RAP1GDS1: variants seen among roughly 807,000 people sequenced by gnomAD.
RAP1GDS1 encodes the protein RAP1, GTP-GDP dissociation stimulator 1.
A neutral mutation model predicts 71.1 loss-of-function variants in RAP1GDS1; 35 were observed. The ratio of observed to expected loss-of-function variants is 0.49; its 90% confidence interval spans 0.38 to 0.65. The LOEUF (loss-of-function observed/expected upper bound fraction) is 0.65. Ranked by LOEUF, RAP1GDS1 falls within the 30% of genes least tolerant of loss-of-function variation. The pLI, the probability that RAP1GDS1 is intolerant of heterozygous loss-of-function variation, is 0.00. For synonymous variants in RAP1GDS1, 229 were observed against 243.1 expected, an observed-to-expected ratio of 0.94 and a Z score of 0.54; for missense variants, 663 against 706.1, an observed-to-expected ratio of 0.94 and a Z score of 0.69.
At chr4:98,360,829 TG>T (rs1407342104) in intron 4 of RAP1GDS1, among the ~76,000 whole-genome samples, 1 of 152,104 alleles carries the variant, frequency 6.6e-6, no homozygotes, top group Non-Finnish European at 1.5e-5. Context: ...CCCATCATTT[TG>T]GGAGGGCGAG....
intron 2 of RAP1GDS1, among the ~76,000 whole-genome samples, chr4:98,314,392 TTAA>T (rs1730666076): frequency 6.6e-6 from 1 of 152,210 alleles, no homozygotes; most frequent in African/African-American, 2.4e-5. Context: ...ATCAAGATTC[TTAA>T]TGAGAGAATC....
Position 98,418,750 on chromosome 4 carries a change from AGCAT to A in RAP1GDS1, c.1137_1140del (p.His379GlnfsTer3). ...GTAGAAGATGGAAATGTAACAGTAC[AGCAT>A]GCAGCACTAAGTGCCCTCAGAAACC... On this transcript the variant is annotated frameshift_variant, in exon 10 of 15. Transcript: ENST00000408927. LOFTEE classifies it high-confidence loss of function. 1 of 1,610,084 alleles carries A rather than the reference AGCAT, an allele frequency of 6.2e-7. No homozygotes were observed. The highest frequency in any genetic ancestry group is 8.5e-7 in the Non-Finnish European group (1 of 1,178,282).
intron 5 of RAP1GDS1, among the ~76,000 whole-genome samples, chr4:98,384,375 T>C (rs1742432365): frequency 6.6e-6 from 1 of 151,692 alleles, no homozygotes. Context: ...ACTGTTGTTC[T>C]CTTTTTTAAA....
chr4:98,390,786 G>A (rs1743502681), intron 5 of RAP1GDS1, among the ~76,000 whole-genome samples: 1 of 152,150 alleles, frequency 6.6e-6, no homozygotes. Flanking sequence ...CAAGGGATTG[G>A]AACTATGAGG....
intron 4 of RAP1GDS1, among the ~76,000 whole-genome samples, chr4:98,367,786 A>T (rs1739730267): frequency 6.6e-6 from 1 of 152,096 alleles, no homozygotes; most frequent in African/African-American, 2.4e-5. Flanking sequence ...TCCCATTTGG[A>T]ATGGTTGTGT....
At chr4:98,280,713 G>A (rs937174479) in intron 1 of RAP1GDS1, among the ~76,000 whole-genome samples, 9 of 151,344 alleles carry the variant, frequency 5.9e-5, no homozygotes, top group East Asian at 1.9e-4. Flanking sequence ...GTATTGTCTC[G>A]GTTTTCTTCT....
chr4:98,373,415 C>T (rs982166671), intron 4 of RAP1GDS1, among the ~76,000 whole-genome samples: 6 of 151,716 alleles, frequency 4.0e-5, no homozygotes, highest in African/African-American at 1.5e-4. Flanking sequence ...CTCCCTCCCT[C>T]CCTCTTGTTT....
intron 4 of RAP1GDS1, among the ~76,000 whole-genome samples, chr4:98,358,782 T>G (rs760928637): frequency 1.3e-5 from 2 of 151,960 alleles, no homozygotes; most frequent in Non-Finnish European, 2.9e-5. Context: ...ATGAATAAGG[T>G]CTGACATTGT....
At chr4:98,358,146 C>A (rs549559443) in intron 4 of RAP1GDS1, among the ~76,000 whole-genome samples, 6 of 152,052 alleles carry the variant, frequency 3.9e-5, no homozygotes, top group African/African-American at 1.4e-4. Flanking sequence ...TATTTTAGTT[C>A]TTTAATCAAA....
intron 14 of RAP1GDS1, among the ~76,000 whole-genome samples, chr4:98,438,026 G>C (rs1365241895): frequency 1.3e-5 from 2 of 151,980 alleles, no homozygotes; most frequent in African/African-American, 4.8e-5. Flanking sequence ...GGGTGTTGAA[G>C]TCTCCCACTG....
intron 10 of RAP1GDS1, 25 bp from the exon 11 acceptor site, chr4:98,419,994 A>T: frequency 6.4e-7 from 1 of 1,566,554 alleles, no homozygotes; most frequent in Non-Finnish European, 8.7e-7. Context: ...ATACCATTTT[A>T]ACCATAGTCT....
chr4:98,270,513 T>C (rs955632759), intron 1 of RAP1GDS1, among the ~76,000 whole-genome samples: 2 of 152,286 alleles, frequency 1.3e-5, no homozygotes, highest in East Asian at 3.9e-4. Context: ...GGCTAAGATA[T>C]GGATGCTGGA....
intron 2 of RAP1GDS1, among the ~76,000 whole-genome samples, chr4:98,295,218 T>C (rs1349224923): frequency 6.6e-6 from 1 of 152,106 alleles, no homozygotes; most frequent in Admixed American, 6.6e-5. Flanking sequence ...TGCGGACTTA[T>C]TCACTGTACC....
chr4:98,329,019 G>A (rs1389399260), intron 2 of RAP1GDS1, among the ~76,000 whole-genome samples: 1 of 152,192 alleles, frequency 6.6e-6, no homozygotes, highest in African/African-American at 2.4e-5. Context: ...TCACTGTGAG[G>A]CTGGGAACCC....
intron 4 of RAP1GDS1, among the ~76,000 whole-genome samples, chr4:98,375,950 A>G (rs1741121018): frequency 6.6e-6 from 1 of 151,774 alleles, no homozygotes; most frequent in South Asian, 2.1e-4. Context: ...TAACTTGATA[A>G]CATTTTTTTT....
chr4:98,379,030 T>C lies in RAP1GDS1; in HGVS notation c.375T>C (p.Ser125=), dbSNP rs1741589026. Residue 125 remains serine (S), a synonymous_variant, in exon 5 of 15, where the codon AGT becomes AGC. Coordinates refer to ENST00000408927, the MANE Select transcript of RAP1GDS1 (RefSeq NM_001100427.2). ...TTTGTTTTACAGATGAGGGCAGAAG[T>C]GCAGTTGACCAAGCAGGTGGTGCAC... ...NICYDSHEGR[S]AVDQAGGAQI... is the part of the protein sequence containing the mutation. 1.3e-6 allele frequency: 2 copies of C among 1,599,984 alleles called. No homozygotes were observed. The highest frequency in any genetic ancestry group is 3.5e-5 in the Admixed American group (2 of 57,364).
chr4:98,385,528 A>C (rs1333902666), intron 5 of RAP1GDS1, among the ~76,000 whole-genome samples: 1 of 151,876 alleles, frequency 6.6e-6, no homozygotes, highest in African/African-American at 2.4e-5. Context: ...CCATTCAGAG[A>C]GGCGCTGAAC....
chr4:98,429,018 G>A (rs1001610124), intron 12 of RAP1GDS1, among the ~76,000 whole-genome samples: 1 of 152,180 alleles, frequency 6.6e-6, no homozygotes, highest in African/African-American at 2.4e-5. Flanking sequence ...CAACACTATG[G>A]GAGGACGAGG....
At chr4:98,394,495 AT>A (rs1329556369) in intron 6 of RAP1GDS1, among the ~76,000 whole-genome samples, 2 of 152,042 alleles carry the variant, frequency 1.3e-5, no homozygotes, top group African/African-American at 4.8e-5. Context: ...AAGGAGTCTT[AT>A]GTTTTACAGT....
Sources: allele counts gnomAD v4.1 joint callset (sites outside exome capture counted in the v4.1 genomes callset), GRCh38; gene constraint gnomAD v4.1.1; transcripts MANE v1.5; gene names NCBI Gene and HGNC (gene_info 2026-07-23, HGNC 2026-07-21).